UPK1B: variants seen among roughly 807,000 people sequenced by gnomAD.
UPK1B encodes uroplakin 1B.
Under a neutral mutation model 34.2 loss-of-function variants are expected in UPK1B, and 28 were observed. The observed-to-expected ratio is 0.82, with a 90% CI of 0.61 to 1.12. The LOEUF is 1.12. UPK1B is among the 50% of genes most tolerant of loss of function. The probability of loss-of-function intolerance (pLI) is 0.00; values close to 1 mark genes in which losing one functional copy is unlikely to be tolerated. For missense variants in UPK1B, 325 were observed against 320.9 expected, an observed-to-expected ratio of 1.01 and a Z score of -0.10; for synonymous variants, 81 against 110.4, an observed-to-expected ratio of 0.73 and a Z score of 1.67.
At chr3:119,184,521 C>T (rs7636115) in intron 1 of UPK1B, among the ~76,000 whole-genome samples, 20,514 of 149,128 alleles carry the variant, frequency 0.14, 1,533 homozygotes, top group South Asian at 0.19. Context: ...AGTTCGAGAC[C>T]AGCCTGGCCA....
intron 1 of UPK1B, among the ~76,000 whole-genome samples, chr3:119,179,380 TATATATATATATATATATTA>T (rs1559900023): frequency 7.0e-5 from 6 of 85,302 alleles, no homozygotes; most frequent in African/African-American, 2.2e-4. Flanking sequence ...TATATATATA[TATATATATATATATATATTA>T]ATTCTAAGGA....
intron 3 of UPK1B, among the ~76,000 whole-genome samples, chr3:119,189,568 C>T (rs2078035125): frequency 6.6e-6 from 1 of 152,276 alleles, no homozygotes; most frequent in African/African-American, 2.4e-5. Context: ...TGCTCACGCA[C>T]ACACACCACC....
chr3:119,187,710 C>T, intron 2 of UPK1B, 65 bp from the exon 3 acceptor site: 1 of 1,525,368 alleles, frequency 6.6e-7, no homozygotes, highest in Non-Finnish European at 9.1e-7. Flanking sequence ...TCTTACCTTC[C>T]CCACCCTCCA....
At position 119,199,102 on chromosome 3, in the gene UPK1B, G is replaced by A; in HGVS notation, c.694G>A (p.Gly232Arg). 3 of 1,614,168 alleles carry A rather than the reference G, an allele frequency of 1.9e-6. No homozygotes were observed. The highest frequency in any genetic ancestry group is 1.7e-6 in the Non-Finnish European group (2 of 1,180,022). The change falls in exon 7 of 8, where the codon GGG (glycine) becomes AGG (arginine). Residue 232 changes from glycine (G) to arginine (R), a missense_variant. By Grantham distance (125) the Gly-to-Arg change is moderately radical (BLOSUM62 -2). Transcript: ENST00000264234. ...ISGPMNRHAW[G>R]VAWFGFAILC... Reference sequence around the variant, plus strand: ...TGGTCCAATGAACCGACACGCCTGGGGGGTTGCCTGGTTTGGATTTGCCAT... The same window carrying A: ...TGGTCCAATGAACCGACACGCCTGGAGGGTTGCCTGGTTTGGATTTGCCAT...
chr3:119,191,182 C>A, intron 5 of UPK1B, 78 bp downstream of exon 5: 2 of 1,482,642 alleles, frequency 1.3e-6, no homozygotes, highest in Non-Finnish European at 1.8e-6. Context: ...CTCAGTGGGA[C>A]CCTATATTTT....
rs1257666904 is a variant in UPK1B at position 119,180,562 on chromosome 3, A to T, written c.-28-6152A>T. 2.0e-5 allele frequency among the ~76,000 whole-genome samples: 3 copies of T among 152,250 alleles called. No individual in the cohort carries two copies. The East Asian group carries it at 5.8e-4, about 29-fold the overall frequency. On this transcript the variant is annotated intron_variant, in intron 1 of 7. Transcript: ENST00000264234. ...AAAGGCAAAACTACTACCAAGCCCT[A>T]GAGAACACCACAGTTTATATTCTGT...
At chr3:119,199,739 C>T (rs1045881187) in intron 7 of UPK1B, among the ~76,000 whole-genome samples, 5 of 152,196 alleles carry the variant, frequency 3.3e-5, no homozygotes, top group Non-Finnish European at 7.3e-5. Flanking sequence ...AGCCAAGGCA[C>T]TTTTATTTCC....
At chr3:119,179,399 T>TATATATATATAA (rs1559900078) in intron 1 of UPK1B, among the ~76,000 whole-genome samples, 1 of 54,314 alleles carries the variant, frequency 1.8e-5, no homozygotes, top group African/African-American at 6.6e-5. Flanking sequence ...ATATATATAT[T>TATATATATATAA]AATTCTAAGG....
chr3:119,187,907 T>C lies in UPK1B; in HGVS notation c.202T>C (p.Cys68Arg). Residue 68 changes from cysteine to arginine, a missense_variant, in exon 3 of 8, where the codon TGC (cysteine) becomes CGC (arginine). Cys to Arg is a radical substitution (Grantham distance 180). Coordinates refer to ENST00000264234, the MANE Select transcript of UPK1B (RefSeq NM_006952.4). ...CTGGATCGGCATATTTGTGGGCATC[T>C]GCCTCTTCTGCCTGTCTGTTCTAGG... ...AAWIGIFVGICLFCLSVLGIV... is the reference protein window; with the variant it reads ...AAWIGIFVGIRLFCLSVLGIV... 2 of 1,614,188 alleles carry C rather than the reference T, an allele frequency of 1.2e-6. No homozygotes were observed. Among genetic ancestry groups the C allele is most frequent in the Non-Finnish European group, 1.7e-6 (2 of 1,180,030 alleles).
chr3:119,179,387 ATATATATATATT>A lies in UPK1B; in HGVS notation c.-29+5750_-29+5761del, dbSNP rs1334119320. ...TATATATATATATATATATATATAT[ATATATATATATT>A]AATTCTAAGGAATTAACCTATGTGA... On this transcript the variant is annotated intron_variant, in intron 1 of 7. Coordinates refer to ENST00000264234, the MANE Select transcript of UPK1B (RefSeq NM_006952.4). 3.3e-3 allele frequency among the ~76,000 whole-genome samples: 285 copies of A among 86,786 alleles called. 12 individuals are homozygous for A. The highest frequency in any genetic ancestry group is 9.6e-3 in the African/African-American group (175 of 18,270). 56.9% of individuals were successfully genotyped at this position (86,786 alleles called of 152,430 possible).
At chr3:119,190,646 A>G (rs2078039615) in intron 4 of UPK1B, among the ~76,000 whole-genome samples, 1 of 152,244 alleles carries the variant, frequency 6.6e-6, no homozygotes, top group African/African-American at 2.4e-5. Context: ...TGCCATGGCC[A>G]TGGGCCTTCC....
intron 2 of UPK1B, among the ~76,000 whole-genome samples, chr3:119,187,107 C>A (rs890221910): frequency 6.6e-6 from 1 of 152,214 alleles, no homozygotes; most frequent in African/African-American, 2.4e-5. Flanking sequence ...TTCACTATTT[C>A]TTTTCTATGT....
At chr3:119,184,159 T>C (rs2078003603) in intron 1 of UPK1B, among the ~76,000 whole-genome samples, 1 of 152,354 alleles carries the variant, frequency 6.6e-6, no homozygotes, top group African/African-American at 2.4e-5. Flanking sequence ...TCCACCCTAA[T>C]TGTGACTCCT....
chr3:119,203,125 G>A (rs1388333792), intron 7 of UPK1B, among the ~76,000 whole-genome samples: 2 of 151,954 alleles, frequency 1.3e-5, no homozygotes, highest in East Asian at 3.9e-4. Context: ...GGCAAATCAC[G>A]AGGTCAGGAG....
intron 5 of UPK1B, among the ~76,000 whole-genome samples, chr3:119,192,037 C>T (rs2078047152): frequency 1.3e-5 from 2 of 152,122 alleles, no homozygotes; most frequent in Admixed American, 6.5e-5. Flanking sequence ...CTTGTCCTAC[C>T]CCATTCCAAA....
intron 1 of UPK1B, among the ~76,000 whole-genome samples, chr3:119,176,737 T>C (rs998863895): frequency 1.3e-5 from 2 of 152,180 alleles, no homozygotes; most frequent in Admixed American, 6.5e-5. Flanking sequence ...ACTCATCCCA[T>C]TGGTTTCCTT....
At position 119,182,544 on chromosome 3, in the gene UPK1B, C is replaced by T. The variant is rs549520863; in HGVS notation, c.-28-4170C>T. Among the ~76,000 whole-genome samples the T allele has an allele frequency of 4.6e-5, 7 of 152,262 alleles. No individual in the cohort carries two copies. The South Asian group carries it at 6.2e-4, about 14-fold the overall frequency. Reference sequence around the variant, plus strand: ...AGTTATTGTCTACTAATTTTATAAACGAGGAAGTAGATACTAAGGAAAACA... The same window carrying T: ...AGTTATTGTCTACTAATTTTATAAATGAGGAAGTAGATACTAAGGAAAACA... On this transcript the variant is annotated intron_variant, in intron 1 of 7. Transcript: ENST00000264234.
intron 1 of UPK1B, among the ~76,000 whole-genome samples, chr3:119,175,537 T>G (rs928821354): frequency 5.0e-5 from 1 of 20,128 alleles, no homozygotes; most frequent in South Asian, 3.2e-3. Flanking sequence ...GCCCACCCCC[T>G]CCCCCCCGCC....
At position 119,190,988 on chromosome 3, in the gene UPK1B, C is replaced by T. The variant is rs1362693493; in HGVS notation, c.352C>T (p.Pro118Ser). 1.2e-6 allele frequency: 2 copies of T among 1,613,940 alleles called. No homozygotes were observed. Among genetic ancestry groups the T allele is most frequent in the Admixed American group, 1.7e-5 (1 of 60,028 alleles). ...TTGCCTCTTCCTACTATAGTTCACA[C>T]CCAACCTCTTCCTGAAGCAGATGCT... ...TAATQQDFFT[P>S]NLFLKQMLER... Residue 118 changes from proline (P) to serine (S), a missense_variant, in exon 5 of 8, where the codon CCC becomes TCC. Pro to Ser is a moderately conservative substitution (Grantham distance 74). Coordinates refer to ENST00000264234, the MANE Select transcript of UPK1B (RefSeq NM_006952.4).
Sources: gnomAD v4.1 joint callset for allele counts (sites outside exome capture counted in the v4.1 genomes callset) on GRCh38, gnomAD v4.1.1 for gene constraint, MANE v1.5 for transcripts, NCBI Gene and HGNC (gene_info 2026-07-23, HGNC 2026-07-21) for gene names.